The following TPD52 variants were observed in gnomAD, a reference collection of about 807,000 sequenced individuals.
TPD52 encodes tumor protein D52.
Under a neutral mutation model 31.3 loss-of-function variants are expected in TPD52, and 17 were observed. The observed-to-expected ratio is 0.54, with a 90% CI of 0.37 to 0.82. The LOEUF (loss-of-function observed/expected upper bound fraction) is 0.82, where lower values mean the gene tolerates loss of function less well. Ranked by LOEUF, TPD52 falls within the 40% of genes least tolerant of loss-of-function variation. The pLI is 0.00. For missense variants in TPD52, 212 were observed against 240.1 expected, an observed-to-expected ratio of 0.88 and a Z score of 0.77; for synonymous variants, 83 against 89.6, an observed-to-expected ratio of 0.93 and a Z score of 0.42.
At chr8:80,115,181 C>A (rs1013629195) in intron 1 of TPD52, among the ~76,000 whole-genome samples, 2 of 152,204 alleles carry the variant, frequency 1.3e-5, no homozygotes, top group African/African-American at 4.8e-5. Context: ...CTTAGGCCCA[C>A]TTTTGAAGCC....
intron 1 of TPD52, among the ~76,000 whole-genome samples, chr8:80,125,474 A>G (rs974546530): frequency 7.2e-5 from 11 of 152,202 alleles, no homozygotes; most frequent in Non-Finnish European, 1.3e-4. Context: ...GATGATACTG[A>G]TACTTCTTTT....
intron 1 of TPD52, among the ~76,000 whole-genome samples, chr8:80,150,376 G>A (rs995183255): frequency 3.3e-5 from 5 of 152,222 alleles, no homozygotes; most frequent in African/African-American, 7.2e-5. Flanking sequence ...GTGCAGGAGC[G>A]AAATGTGGGT....
At chr8:80,047,598 GAATA>G (rs1563567329) in intron 5 of TPD52, among the ~76,000 whole-genome samples, 2 of 152,156 alleles carry the variant, frequency 1.3e-5, no homozygotes, top group African/African-American at 4.8e-5. Flanking sequence ...AAGAATGAAT[GAATA>G]AATGAATAAA....
At position 80,148,317 on chromosome 8, in the gene TPD52, A is replaced by AGTGTGTGTGTGTGTGTGTGTGT. The variant is rs34231994; in HGVS notation, c.19+23086_19+23107dup. On this transcript the variant is annotated intron_variant, in intron 1 of 7. Coordinates refer to ENST00000518937, the MANE Select transcript of TPD52 (RefSeq NM_001025253.3). ...ACAAGTGCACCACCATTCCTGGCTA[A>AGTGTGTGTGTGTGTGTGTGTGT]GTGTGTGTGTGTGTGTGTGTGTGTG... Among the ~76,000 whole-genome samples, 833 of 143,968 alleles carry AGTGTGTGTGTGTGTGTGTGTGT rather than the reference A, an allele frequency of 5.8e-3. 10 individuals are homozygous for AGTGTGTGTGTGTGTGTGTGTGT. Among genetic ancestry groups the AGTGTGTGTGTGTGTGTGTGTGT allele is most frequent in the African/African-American group, 0.02 (766 of 37,730 alleles). 94.4% of individuals were successfully genotyped at this position (143,968 alleles called of 152,430 possible). A position where few individuals can be genotyped will look rare whatever the true frequency, so the allele number is the denominator to read the frequency against.
chr8:80,132,697 G>A (rs1809105124), intron 1 of TPD52, among the ~76,000 whole-genome samples: 1 of 152,166 alleles, frequency 6.6e-6, no homozygotes, highest in Non-Finnish European at 1.5e-5. Context: ...ACCAGGGTGA[G>A]GACAGGAGAG....
intron 1 of TPD52, among the ~76,000 whole-genome samples, chr8:80,152,933 G>A (rs1411169547): frequency 1.3e-5 from 2 of 152,054 alleles, no homozygotes; most frequent in African/African-American, 4.8e-5. Context: ...GTGCTGGGGA[G>A]GGGAGAAAGA....
intron 1 of TPD52, among the ~76,000 whole-genome samples, chr8:80,117,661 G>A (rs890178829): frequency 6.6e-6 from 1 of 151,572 alleles, no homozygotes; most frequent in Non-Finnish European, 1.5e-5. Flanking sequence ...GAAATTCAAC[G>A]GACCCAGAGT....
intron 1 of TPD52, chr8:80,080,520 TG>T: frequency 1.3e-6 from 2 of 1,589,688 alleles, no homozygotes; most frequent in Non-Finnish European, 1.7e-6. Context: ...AGTGCCGCTT[TG>T]GCCATATTCC....
rs779389191 is a variant in TPD52, at chr8:80,072,798, C to CATATATAT, written c.20-8213_20-8206dup. ...ATATATACACATACACACACACACA[C>CATATATAT]ATATATATATATATATAAACTTGGC... is the stretch of plus-strand genomic sequence containing the variant. On this transcript the variant is annotated intron_variant, in intron 1 of 7. Coordinates refer to ENST00000518937, the MANE Select transcript of TPD52 (RefSeq NM_001025253.3). Among the ~76,000 whole-genome samples the CATATATAT allele has an allele frequency of 6.9e-4, 98 of 141,076 alleles. 1 individual carries two copies. Among genetic ancestry groups the CATATATAT allele is most frequent in the African/African-American group, 2.6e-3 (87 of 33,334 alleles). The allele number at this position is 141,076 out of a possible 152,430, so 92.6% of individuals were successfully genotyped here. A position where few individuals can be genotyped will look rare whatever the true frequency, so the allele number is the denominator to read the frequency against.
rs1347094422 is a variant in TPD52, at chr8:80,037,357, G to T, written c.*759C>A. On this transcript the variant is annotated 3_prime_UTR_variant, in exon 8 of 8. Transcript: ENST00000518937. The stretch of plus-strand genomic sequence containing the variant: ...TGTGCTTGATTCAGAATGTTATTTT[G>T]TAGAAATTAAAATTTTAACCTGGTG... 2 of 152,120 alleles carry T rather than the reference G, an allele frequency of 1.3e-5. No individual in the cohort carries two copies. The highest frequency in any genetic ancestry group is 3.8e-4 in the East Asian group (2 of 5,202). The allele number at this position is 152,120 out of a possible 1,614,324, so 9.4% of individuals were successfully genotyped here.
chr8:80,064,408 T>C (rs1812890281), intron 2 of TPD52, 70 bp downstream of exon 2: 4 of 1,206,458 alleles, frequency 3.3e-6, no homozygotes, highest in Middle Eastern at 1.9e-4. Flanking sequence ...TATCACCATG[T>C]ACTTTAGAAT....
chr8:80,042,466 C>A (rs908457299), intron 7 of TPD52, 154 bp downstream of exon 7: 1 of 985,244 alleles, frequency 1.0e-6, no homozygotes, highest in African/African-American at 1.7e-5. Flanking sequence ...GTACATAACA[C>A]CTTAAATGTC....
intron 1 of TPD52, among the ~76,000 whole-genome samples, chr8:80,168,680 C>T (rs1811870731): frequency 6.6e-6 from 1 of 152,204 alleles, no homozygotes; most frequent in Non-Finnish European, 1.5e-5. Context: ...TCTACTAGTT[C>T]TAAGATCTTC....
rs57456374 is a variant in TPD52, at chr8:80,152,780, C to CAAAAAAAAAAAAAAA, written c.19+18630_19+18644dup. Among the ~76,000 whole-genome samples the CAAAAAAAAAAAAAAA allele has an allele frequency of 4.1e-4, 34 of 83,520 alleles. 1 individual carries two copies. The highest frequency in any genetic ancestry group is 1.1e-3 in the African/African-American group (22 of 19,428). 54.8% of individuals were successfully genotyped at this position (83,520 alleles called of 152,430 possible). ...TGGGCGAAAGTGTGAGACTCCGTCT[C>CAAAAAAAAAAAAAAA]AAAAAAAAAAAAAAAAAATGCCAGG... On this transcript the variant is annotated intron_variant, in intron 1 of 7. Transcript: ENST00000518937.
intron 1 of TPD52, among the ~76,000 whole-genome samples, chr8:80,095,913 A>G (rs1238312720): frequency 6.6e-6 from 1 of 151,846 alleles, no homozygotes; most frequent in Non-Finnish European, 1.5e-5. Flanking sequence ...GCGACACTGC[A>G]CTCCAGCCTG....
At chr8:80,077,618 G>T (rs1586244510) in intron 1 of TPD52, among the ~76,000 whole-genome samples, 1 of 152,226 alleles carries the variant, frequency 6.6e-6, no homozygotes. Context: ...AGAATTAAGA[G>T]ATGAGTGCTA....
chr8:80,119,322 G>A (rs575274652), intron 1 of TPD52, among the ~76,000 whole-genome samples: 2 of 152,270 alleles, frequency 1.3e-5, no homozygotes, highest in African/African-American at 4.8e-5. Flanking sequence ...CTTTTGGGTT[G>A]ATGTTCTAAA....
At chr8:80,054,663 GT>G (rs1396742201) in intron 2 of TPD52, among the ~76,000 whole-genome samples, 1 of 151,654 alleles carries the variant, frequency 6.6e-6, no homozygotes, top group East Asian at 1.9e-4. Context: ...TTTCACAGAT[GT>G]TTAAGTCTTT....
At chr8:80,038,986 T>C (rs946656829) in intron 7 of TPD52, among the ~76,000 whole-genome samples, 2 of 152,262 alleles carry the variant, frequency 1.3e-5, no homozygotes, top group Non-Finnish European at 2.9e-5. Flanking sequence ...TTTTCAATGC[T>C]AATCTGTATA....
Sources: gnomAD v4.1 joint callset for allele counts (sites outside exome capture counted in the v4.1 genomes callset) on GRCh38, gnomAD v4.1.1 for gene constraint, MANE v1.5 for transcripts, NCBI Gene and HGNC (gene_info 2026-07-23, HGNC 2026-07-21) for gene names.